PAK1: variants seen among roughly 807,000 people sequenced by gnomAD.
The protein encoded by PAK1 is p21 (RAC1) activated kinase 1, also known as serine/threonine-protein kinase PAK 1.
Under a neutral mutation model 67.4 loss-of-function variants are expected in PAK1, and 29 were observed. The ratio of observed to expected loss-of-function variants is 0.43; its 90% CI spans 0.32 to 0.59. The LOEUF is 0.59. Among genes scored for constraint, PAK1 ranks in the 20% least tolerant of loss-of-function variants. The pLI is 0.07. For synonymous variants in PAK1, 223 were observed against 237.4 expected (o/e 0.94, Z 0.56); for missense variants, 337 against 670.7 (o/e 0.50, Z 5.50).
chr11:77,459,815 C>A (rs1957247067), intron 1 of PAK1, among the ~76,000 whole-genome samples: 1 of 88,268 alleles, frequency 1.1e-5, no homozygotes, highest in Admixed American at 1.0e-4. Flanking sequence ...GCCTGAGCCA[C>A]CCCCGCGAGC....
intron 1 of PAK1, among the ~76,000 whole-genome samples, chr11:77,472,466 G>C (rs1327839897): frequency 6.6e-6 from 1 of 152,222 alleles, no homozygotes; most frequent in African/African-American, 2.4e-5. Context: ...ACTTCACAGT[G>C]TGGGAATTCT....
chr11:77,482,281 G>T, the PAK1 span, among the ~76,000 whole-genome samples: 6 of 78,096 alleles, frequency 7.7e-5, no homozygotes, highest in Non-Finnish European at 1.9e-4. Context: ...GAGCCACCAC[G>T]CCCGGCCTAT....
the PAK1 span, among the ~76,000 whole-genome samples, chr11:77,514,549 T>C: frequency 1.3e-5 from 2 of 152,194 alleles, no homozygotes; most frequent in Admixed American, 1.3e-4. Context: ...GATTAGTTAA[T>C]AAATCAAATG....
At chr11:77,498,299 C>T in the PAK1 span, among the ~76,000 whole-genome samples, 107 of 152,098 alleles carry the variant, frequency 7.0e-4, no homozygotes, top group Non-Finnish European at 1.2e-3. Flanking sequence ...TAAAATTATT[C>T]CAAAAGGAAA....
rs184592852 is a variant in PAK1 at position 77,331,111 on chromosome 11, C to T, written c.1551+1619G>A. On this transcript the variant is annotated intron_variant, in intron 14 of 14. Transcript: ENST00000356341. ...TACCATCTCACACCAGTTAGAATGG[C>T]GATCATTAAAAAGTCAGGAAACAAC... is the stretch of plus-strand genomic sequence containing the variant. Among the ~76,000 whole-genome samples the T allele has an allele frequency of 3.3e-3, 496 of 152,180 alleles. 11 individuals are homozygous for T. In the East Asian group the frequency reaches 0.038, roughly 12 times the overall value.
chr11:77,494,878 A>AATTAAAAC, the PAK1 span, among the ~76,000 whole-genome samples: 1 of 152,098 alleles, frequency 6.6e-6, no homozygotes, highest in African/African-American at 2.4e-5. Flanking sequence ...AAAATTAAAA[A>AATTAAAAC]TTAGGCTGGG....
At chr11:77,462,428 T>C (rs1481412589) in intron 1 of PAK1, among the ~76,000 whole-genome samples, 1 of 152,218 alleles carries the variant, frequency 6.6e-6, no homozygotes, top group Non-Finnish European at 1.5e-5. Context: ...GCTACACATT[T>C]AGCACAGTAA....
chr11:77,392,660 G>A, intron 1 of PAK1, 119 bp from the exon 2 acceptor site: 3 of 652,950 alleles, frequency 4.6e-6, no homozygotes, highest in Non-Finnish European at 7.5e-6. Flanking sequence ...TCTAGCTCAA[G>A]TCCTTCCACT....
intron 13 of PAK1, among the ~76,000 whole-genome samples, chr11:77,334,722 A>G (rs1396037494): frequency 6.6e-6 from 1 of 152,042 alleles, no homozygotes; most frequent in Non-Finnish European, 1.5e-5. Flanking sequence ...CCACTAAATC[A>G]TTCCCATTAG....
At chr11:77,358,798 G>A (rs1946386565) in intron 6 of PAK1, 100 bp downstream of exon 6, 6 of 1,155,514 alleles carry the variant, frequency 5.2e-6, no homozygotes, top group Admixed American at 2.0e-5. Context: ...ATCTAAGGAC[G>A]CCTACCAGAA....
chr11:77,451,882 AGCCACCAC>A, intron 1 of PAK1, among the ~76,000 whole-genome samples: 1 of 152,060 alleles, frequency 6.6e-6, no homozygotes. Context: ...TACAGGCGTG[AGCCACCAC>A]GCCCGACCTC....
chr11:77,508,512 A>T, the PAK1 span, among the ~76,000 whole-genome samples: 2 of 152,130 alleles, frequency 1.3e-5, no homozygotes, highest in African/African-American at 4.8e-5. Flanking sequence ...CAGTGGTTTA[A>T]CAACTGGCCA....
intron 1 of PAK1, among the ~76,000 whole-genome samples, chr11:77,423,425 A>ACC (rs1192058189): frequency 5.9e-5 from 9 of 151,394 alleles, no homozygotes; most frequent in African/African-American, 1.9e-4. Flanking sequence ...ACACACACAC[A>ACC]CACACACACA....
chr11:77,325,367 G>T lies in PAK1; in HGVS notation c.1552-2007C>A, dbSNP rs1225760044. On this transcript the variant is annotated intron_variant, in intron 14 of 14. Transcript: ENST00000356341. Reference sequence around the variant, plus strand: ...AAGTTACTAAACACTTGAAACCTCAGTTTTCTCACCTGTAAAAATGAGAAT... The same window carrying T: ...AAGTTACTAAACACTTGAAACCTCATTTTTCTCACCTGTAAAAATGAGAAT... 5.6e-6 allele frequency: 9 copies of T among 1,613,380 alleles called. No homozygotes were observed. The highest frequency in any genetic ancestry group is 6.8e-6 in the Non-Finnish European group (8 of 1,179,798).
chr11:77,372,587 T>C (rs370720496), intron 5 of PAK1, among the ~76,000 whole-genome samples: 1 of 152,226 alleles, frequency 6.6e-6, no homozygotes, highest in Non-Finnish European at 1.5e-5. Context: ...GGTATTGTGT[T>C]AGAACTTAAC....
chr11:77,418,980 G>A (rs1211713978), intron 1 of PAK1, among the ~76,000 whole-genome samples: 2 of 152,200 alleles, frequency 1.3e-5, no homozygotes, highest in South Asian at 4.1e-4. Context: ...TCAGCGGGAA[G>A]GATCAAATTC....
At chr11:77,375,726 C>G (rs1213027376) in intron 4 of PAK1, among the ~76,000 whole-genome samples, 2 of 152,084 alleles carry the variant, frequency 1.3e-5, no homozygotes, top group Non-Finnish European at 2.9e-5. Flanking sequence ...GTTTAAAGAC[C>G]AGGTAATGTC....
chr11:77,476,970 A>G (rs1364138422), upstream of PAK1: 1 of 152,216 alleles, frequency 6.6e-6, no homozygotes, highest in Non-Finnish European at 1.5e-5. Flanking sequence ...GACAAGAGTG[A>G]AACTCCATCT....
intron 1 of PAK1, among the ~76,000 whole-genome samples, chr11:77,405,684 C>G (rs1485897077): frequency 1.3e-5 from 2 of 150,088 alleles, no homozygotes; most frequent in Non-Finnish European, 1.5e-5. Flanking sequence ...GACACACACA[C>G]ACACACACAC....
Sources: gnomAD v4.1 joint callset for allele counts (sites outside exome capture counted in the v4.1 genomes callset) on GRCh38, gnomAD v4.1.1 for gene constraint, MANE v1.5 for transcripts, NCBI Gene and HGNC (gene_info 2026-07-23, HGNC 2026-07-21) for gene names.